The following KANK1 variants were observed in gnomAD, a reference collection of about 807,000 sequenced individuals.
The protein encoded by KANK1 is KN motif and ankyrin repeat domains 1.
Under a neutral mutation model 106.2 loss-of-function variants are expected in KANK1, and 109 were observed. That is an observed-to-expected ratio of 1.03 (90% CI 0.88 to 1.20). The LOEUF is 1.20. Ranked by LOEUF, KANK1 falls within the 50% of genes most tolerant of loss-of-function variation. The probability of loss-of-function intolerance (pLI) is 0.00; values close to 1 mark genes in which losing one functional copy is unlikely to be tolerated. For missense variants in KANK1, 2,399 were observed against 1,710.7 expected, an observed-to-expected ratio of 1.40 and a Z score of -7.10; for synonymous variants, 873 against 652.2, an observed-to-expected ratio of 1.34 and a Z score of -5.16.
chr9:607,758 T>G (rs1386642195), intron 1 of KANK1, among the ~76,000 whole-genome samples: 1 of 151,692 alleles, frequency 6.6e-6, no homozygotes, highest in Non-Finnish European at 1.5e-5. Flanking sequence ...TCTCCTAACT[T>G]ACTATGCTGG....
chr9:476,672 A>G (rs1257328216), intron 3 of KANK1: 1 of 152,190 alleles, frequency 6.6e-6, no homozygotes, highest in Non-Finnish European at 1.5e-5. Context: ...ATCAAACTGT[A>G]CCAAGATTTT....
At chr9:654,364 A>G (rs1841612626) in intron 1 of KANK1, among the ~76,000 whole-genome samples, 1 of 152,198 alleles carries the variant, frequency 6.6e-6, no homozygotes, top group Non-Finnish European at 1.5e-5. Flanking sequence ...TTTGTTAGAA[A>G]TGTAAATTTT....
intron 1 of KANK1, among the ~76,000 whole-genome samples, chr9:674,827 C>A (rs1816049895): frequency 6.6e-6 from 1 of 152,014 alleles, no homozygotes; most frequent in African/African-American, 2.4e-5. Context: ...CCTCAGCCTC[C>A]CGAGTAGCTG....
chr9:738,159 T>A (rs1438770843), intron 7 of KANK1, 126 bp from the exon 8 acceptor site: 1 of 757,028 alleles, frequency 1.3e-6, no homozygotes, highest in Non-Finnish European at 2.1e-6. Flanking sequence ...GGCTGTTGGT[T>A]TTTGAGAGCA....
rs1032579831 is a variant in KANK1, at chr9:691,726, A to T, written c.37+14717A>T. Among the ~76,000 whole-genome samples, 4 of 145,220 alleles carry T rather than the reference A, an allele frequency of 2.8e-5. No homozygotes were observed. In the East Asian group the frequency reaches 6.1e-4, roughly 22 times the overall value. On this transcript the variant is annotated intron_variant, in intron 2 of 11. Coordinates refer to ENST00000382297, the MANE Select transcript of KANK1 (RefSeq NM_015158.5). Reference sequence around the variant, plus strand: ...CCTCCCAGGCTCAAGTAATCCTCCCAGTCTCAGCTCCCGAGAAACTGAGAC... The same window carrying T: ...CCTCCCAGGCTCAAGTAATCCTCCCTGTCTCAGCTCCCGAGAAACTGAGAC...
intron 1 of KANK1, among the ~76,000 whole-genome samples, chr9:635,232 A>T (rs1027310553): frequency 6.6e-6 from 1 of 151,886 alleles, no homozygotes; most frequent in Non-Finnish European, 1.5e-5. Flanking sequence ...CTACCACCAA[A>T]CCTGCTCTCT....
rs7864477 is a variant in KANK1 at position 530,997 on chromosome 9, T to C, written c.-84+26243T>C. ...TTTAAAAAATGAATTATGCAAACTTTAAAGGAAACTGATCATATTTTATGT... is the reference window on the plus strand; with the variant it reads ...TTTAAAAAATGAATTATGCAAACTTCAAAGGAAACTGATCATATTTTATGT... On this transcript the variant is annotated intron_variant, in intron 1 of 11. Coordinates refer to ENST00000382297, the MANE Select transcript of KANK1 (RefSeq NM_015158.5). 9.5e-3 allele frequency among the ~76,000 whole-genome samples: 1,450 copies of C among 152,166 alleles called. 27 individuals are homozygous for C. The highest frequency in any genetic ancestry group is 0.034 in the African/African-American group (1,401 of 41,514).
At chr9:707,063 G>C in intron 2 of KANK1, 1 of 985,466 alleles carries the variant, frequency 1.0e-6, no homozygotes, top group Non-Finnish European at 1.2e-6. Flanking sequence ...ACTGCAGCCG[G>C]AGGGAGACCT....
intron 3 of KANK1, among the ~76,000 whole-genome samples, chr9:490,574 A>G (rs907053668): frequency 1.3e-5 from 2 of 152,216 alleles, no homozygotes; most frequent in African/African-American, 4.8e-5. Flanking sequence ...CATTTAAAAA[A>G]TTATCTCCAG....
chr9:546,634 A>C (rs1212883126), intron 1 of KANK1, among the ~76,000 whole-genome samples: 1 of 151,916 alleles, frequency 6.6e-6, no homozygotes, highest in Non-Finnish European at 1.5e-5. Context: ...GTTTATTCTT[A>C]TGTAGCCATT....
chr9:530,398 TA>T (rs2060002554), intron 1 of KANK1, among the ~76,000 whole-genome samples: 2 of 152,200 alleles, frequency 1.3e-5, no homozygotes, highest in Admixed American at 1.3e-4. Flanking sequence ...GAATTTATTT[TA>T]GTACATATGG....
chr9:664,348 C>T (rs571576753), intron 1 of KANK1, among the ~76,000 whole-genome samples: 2 of 152,280 alleles, frequency 1.3e-5, no homozygotes, highest in African/African-American at 4.8e-5. Context: ...TTGCTTGTTT[C>T]ACTGAACATA....
At chr9:486,970 T>C (rs1288959969) in intron 3 of KANK1, among the ~76,000 whole-genome samples, 1 of 152,256 alleles carries the variant, frequency 6.6e-6, no homozygotes, top group African/African-American at 2.4e-5. Flanking sequence ...TAATATGATA[T>C]GGTAATGATA....
chr9:714,796 G>C lies in KANK1; in HGVS notation c.2698+1332G>C, dbSNP rs142213270. Among the ~76,000 whole-genome samples, 304 of 152,234 alleles carry C rather than the reference G, an allele frequency of 2.0e-3. 2 individuals are homozygous for C. Among genetic ancestry groups the C allele is most frequent in the African/African-American group, 7.0e-3 (292 of 41,536 alleles). On this transcript the variant is annotated intron_variant, in intron 3 of 11. Transcript: ENST00000382297. The stretch of plus-strand genomic sequence containing the variant: ...TTTATGGCTTACAGTAATTCCCTGT[G>C]AGCCTTACCAACCTGATTTTGCTTG...
intron 3 of KANK1, among the ~76,000 whole-genome samples, chr9:499,530 CCGA>C (rs1564126269): frequency 6.6e-6 from 1 of 152,156 alleles, no homozygotes; most frequent in Non-Finnish European, 1.5e-5. Flanking sequence ...TCCTCCACCG[CCGA>C]CAAGGCTGCT....
chr9:529,341 T>C (rs931972128), intron 1 of KANK1, among the ~76,000 whole-genome samples: 1 of 149,628 alleles, frequency 6.7e-6, no homozygotes, highest in African/African-American at 2.5e-5. Context: ...CAGGCTGGAG[T>C]GCAATGGCGC....
intron 10 of KANK1, among the ~76,000 whole-genome samples, chr9:743,751 A>G (rs1589377867): frequency 6.6e-6 from 1 of 152,186 alleles, no homozygotes; most frequent in African/African-American, 2.4e-5. Flanking sequence ...AGTCTCAGAT[A>G]CCGTGGTGGT....
intron 1 of KANK1, among the ~76,000 whole-genome samples, chr9:620,964 C>G (rs891989501): frequency 1.3e-4 from 20 of 152,078 alleles, no homozygotes; most frequent in African/African-American, 4.8e-4. Flanking sequence ...ATTTGATTAA[C>G]CAGAGTTAAG....
chr9:633,318 C>T (rs1836249402), intron 1 of KANK1, among the ~76,000 whole-genome samples: 2 of 151,872 alleles, frequency 1.3e-5, no homozygotes, highest in South Asian at 2.1e-4. Flanking sequence ...ATTAGCCGGG[C>T]GTGGTGGCGG....
Sources: allele counts gnomAD v4.1 joint callset (sites outside exome capture counted in the v4.1 genomes callset), GRCh38; gene constraint gnomAD v4.1.1; transcripts MANE v1.5; gene names NCBI Gene and HGNC (gene_info 2026-07-23, HGNC 2026-07-21).